The following ANKRD30A variants were observed in gnomAD, a reference collection of about 807,000 sequenced individuals.
The protein encoded by ANKRD30A is ankyrin repeat domain 30A.
Under a neutral mutation model 166.3 loss-of-function variants are expected in ANKRD30A, and 170 were observed. The observed-to-expected ratio is 1.02, with a 90% CI of 0.90 to 1.16. The LOEUF (loss-of-function observed/expected upper bound fraction) is 1.16. Among genes scored for constraint, ANKRD30A ranks in the 50% most tolerant of loss-of-function variants. ANKRD30A has a pLI of 0.00. For synonymous variants in ANKRD30A, 564 were observed against 508.9 expected (o/e 1.11, Z -1.46); for missense variants, 1,630 against 1,518.0 (o/e 1.07, Z -1.23).
chr10:37,141,242 C>T (rs924614218), intron 6 of ANKRD30A, among the ~76,000 whole-genome samples: 1 of 151,942 alleles, frequency 6.6e-6, no homozygotes, highest in African/African-American at 2.4e-5. Flanking sequence ...ATGTGTCAGA[C>T]CTTTTATATC....
chr10:37,166,380 C>A (rs1839345364), intron 18 of ANKRD30A, among the ~76,000 whole-genome samples: 1 of 152,066 alleles, frequency 6.6e-6, no homozygotes, highest in Non-Finnish European at 1.5e-5. Context: ...TGCTCAGTCA[C>A]CGAGTTAATG....
chr10:37,152,189 T>C, intron 12 of ANKRD30A, 68 bp downstream of exon 12: 3 of 1,327,868 alleles, frequency 2.3e-6, no homozygotes, highest in African/African-American at 3.0e-5. Context: ...AGGCAGAGGC[T>C]TAGGCTTTAT....
At chr10:37,225,920 TA>T (rs940482177) in intron 34 of ANKRD30A, among the ~76,000 whole-genome samples, 13 of 150,476 alleles carry the variant, frequency 8.6e-5, no homozygotes, top group Non-Finnish European at 1.5e-4. Flanking sequence ...TTTATCAGTC[TA>T]AAAAAAAATT....
chr10:37,132,894 G>C (rs892571983), intron 4 of ANKRD30A, among the ~76,000 whole-genome samples: 12 of 152,078 alleles, frequency 7.9e-5, no homozygotes, highest in Admixed American at 1.3e-4. Flanking sequence ...GCTACTCTGT[G>C]GGGGGCTGAG....
At position 37,219,631 on chromosome 10, in the gene ANKRD30A, G is replaced by T. The variant is rs755182310; in HGVS notation, c.3919G>T (p.Asp1307Tyr). 1.2e-6 allele frequency: 2 copies of T among 1,610,086 alleles called. No individual in the cohort carries two copies. The highest frequency in any genetic ancestry group is 1.7e-6 in the Non-Finnish European group (2 of 1,177,584). Residue 1307 changes from aspartate to tyrosine, a missense_variant, in exon 34 of 36, where the codon GAT becomes TAT. By Grantham distance (160) the Asp-to-Tyr change is radical. Around this residue, in one of 4 missense-constraint regions of ANKRD30A, gnomAD observed 712 missense variants for 629.3 expected, o/e 1.13. Transcript: ENST00000361713. ...TGAACACATGTATCAAAACGAACAA[G>T]ATAATGTGAACAAACACACTGAACA... ...EAEHMYQNEQ[D>Y]NVNKHTEQQE... is the part of the protein sequence containing the mutation.
intron 27 of ANKRD30A, among the ~76,000 whole-genome samples, chr10:37,196,813 G>T (rs149507768): frequency 1.3e-5 from 2 of 152,132 alleles, no homozygotes; most frequent in Non-Finnish European, 2.9e-5. Context: ...TATGACCTAA[G>T]TGTATATCCA....
chr10:37,218,929 G>T, intron 33 of ANKRD30A, 51 bp from the exon 34 acceptor site: 2 of 1,197,018 alleles, frequency 1.7e-6, no homozygotes, highest in South Asian at 1.5e-5. Flanking sequence ...GAGGAACCAT[G>T]ATATGCCATT....
At chr10:37,144,056 A>C (rs936635486) in intron 7 of ANKRD30A, among the ~76,000 whole-genome samples, 2 of 151,508 alleles carry the variant, frequency 1.3e-5, no homozygotes, top group Non-Finnish European at 2.9e-5. Context: ...CCGTTATTTT[A>C]TTTTGATTTC....
chr10:37,241,082 C>T, the ANKRD30A span: 1 of 151,950 alleles, frequency 6.6e-6, no homozygotes, highest in Admixed American at 6.6e-5. Flanking sequence ...CTCACTAACA[C>T]AGAGTAGGTT....
At chr10:37,217,174 G>T (rs545793447) in intron 32 of ANKRD30A, among the ~76,000 whole-genome samples, 2 of 150,848 alleles carry the variant, frequency 1.3e-5, no homozygotes. Context: ...AGGCATATGG[G>T]ATAACAGATA....
intron 19 of ANKRD30A, among the ~76,000 whole-genome samples, chr10:37,167,514 G>C (rs1420275298): frequency 3.3e-5 from 5 of 151,424 alleles, no homozygotes; most frequent in South Asian, 2.1e-4. Flanking sequence ...CTAAATTGTT[G>C]TTATTCGTAG....
At chr10:37,226,309 C>A (rs1444346114) in intron 34 of ANKRD30A, among the ~76,000 whole-genome samples, 2 of 132,108 alleles carry the variant, frequency 1.5e-5, no homozygotes, top group East Asian at 4.7e-4. Flanking sequence ...TCCTGTGTAT[C>A]CAAGTGTTCT....
At chr10:37,136,561 G>A in intron 5 of ANKRD30A, 46 bp from the exon 6 acceptor site, 1 of 879,482 alleles carries the variant, frequency 1.1e-6, no homozygotes, top group South Asian at 1.7e-5. Context: ...TTTTTATAAA[G>A]TCAGTGTTAA....
At chr10:37,202,513 TA>T (rs1310877621) in intron 31 of ANKRD30A, among the ~76,000 whole-genome samples, 2 of 152,124 alleles carry the variant, frequency 1.3e-5, no homozygotes, top group African/African-American at 2.4e-5. Flanking sequence ...TTTATAGCAC[TA>T]AATGCCCACA....
At chr10:37,171,862 A>G (rs1264468337) in intron 21 of ANKRD30A, among the ~76,000 whole-genome samples, 3 of 146,962 alleles carry the variant, frequency 2.0e-5, no homozygotes, top group Non-Finnish European at 4.5e-5. Context: ...AGTTCAGTTT[A>G]TGGTCTCATT....
chr10:37,239,571 G>A, the ANKRD30A span, among the ~76,000 whole-genome samples: 1 of 152,062 alleles, frequency 6.6e-6, no homozygotes, highest in African/African-American at 2.4e-5. Flanking sequence ...ACCTATTGAA[G>A]TGAAAAAACT....
chr10:37,154,283 T>G (rs1356226064), intron 13 of ANKRD30A, among the ~76,000 whole-genome samples: 1 of 152,180 alleles, frequency 6.6e-6, no homozygotes, highest in African/African-American at 2.4e-5. Flanking sequence ...GACCAGAAGT[T>G]TTCAAACTTT....
intron 13 of ANKRD30A, among the ~76,000 whole-genome samples, chr10:37,154,494 A>C (rs913532988): frequency 4.6e-5 from 7 of 152,154 alleles, no homozygotes; most frequent in African/African-American, 1.7e-4. Context: ...GGGTCAGGAG[A>C]GAGCAGTATG....
intron 13 of ANKRD30A, 47 bp downstream of exon 13, chr10:37,153,709 T>G (rs1339645524): frequency 6.2e-7 from 1 of 1,604,798 alleles, no homozygotes; most frequent in Non-Finnish European, 8.5e-7. Context: ...AATATTTCTC[T>G]AAACTGATGA....
Sources: gnomAD v4.1 joint callset for allele counts (sites outside exome capture counted in the v4.1 genomes callset) on GRCh38, gnomAD v4.1.1 for gene constraint, gnomAD v4.1.1 regional missense constraint, MANE v1.5 for transcripts, NCBI Gene and HGNC (gene_info 2026-07-23, HGNC 2026-07-21) for gene names.